Variants in FILIP1L observed in about 807,000 individuals in gnomAD.
FILIP1L encodes the protein filamin A interacting protein 1 like.
Under a neutral mutation model 96.6 loss-of-function variants are expected in FILIP1L, and 55 were observed. The observed-to-expected ratio is 0.57, with a 90% CI of 0.46 to 0.71. The LOEUF (loss-of-function observed/expected upper bound fraction) is 0.71. FILIP1L is among the 30% of genes least tolerant of loss of function. FILIP1L has a pLI of 0.00. For missense variants in FILIP1L, 1,304 were observed against 1,321.2 expected, an observed-to-expected ratio of 0.99 and a Z score of 0.20; for synonymous variants, 467 against 473.9, an observed-to-expected ratio of 0.99 and a Z score of 0.19.
chr3:99,974,880 TTG>T (rs1708924653), intron 1 of FILIP1L, among the ~76,000 whole-genome samples: 1 of 152,246 alleles, frequency 6.6e-6, no homozygotes, highest in Non-Finnish European at 1.5e-5. Flanking sequence ...GCATGGGCTC[TTG>T]TGTTTGCCAT....
rs145174917 is a variant in FILIP1L at position 99,926,797 on chromosome 3, G to A, written c.427-2389C>T. ...TAGAAGGTTTATTTAATCCACTCTT[G>A]CTTTCCATTGTTTTTTTCCCTTTAT... is the stretch of plus-strand genomic sequence containing the variant. On this transcript the variant is annotated intron_variant, in intron 3 of 5. Coordinates refer to ENST00000477258, the MANE Select transcript of FILIP1L (RefSeq NM_001387850.1). Among the ~76,000 whole-genome samples, 40 of 152,248 alleles carry A rather than the reference G, an allele frequency of 2.6e-4. No individual in the cohort carries two copies. The East Asian group carries it at 7.7e-3, about 29-fold the overall frequency.
At chr3:99,958,212 T>C (rs1708391703) in intron 1 of FILIP1L, among the ~76,000 whole-genome samples, 1 of 129,880 alleles carries the variant, frequency 7.7e-6, no homozygotes, top group African/African-American at 2.8e-5. Context: ...GCATTATTAT[T>C]ATTATTATTA....
At chr3:100,008,351 A>AG (rs2107186026) in intron 1 of FILIP1L, among the ~76,000 whole-genome samples, 1 of 152,334 alleles carries the variant, frequency 6.6e-6, no homozygotes, top group Non-Finnish European at 1.5e-5. Flanking sequence ...TGCAAGGCAA[A>AG]GAAAAAAAGC....
intron 1 of FILIP1L, among the ~76,000 whole-genome samples, chr3:100,024,536 T>C (rs1284600310): frequency 1.3e-5 from 2 of 152,196 alleles, no homozygotes; most frequent in Non-Finnish European, 2.9e-5. Context: ...AGGAAGCAAC[T>C]GTTTTCTTTC....
At chr3:99,970,241 A>G (rs1224531519) in intron 1 of FILIP1L, among the ~76,000 whole-genome samples, 1 of 152,224 alleles carries the variant, frequency 6.6e-6, no homozygotes, top group Admixed American at 6.5e-5. Context: ...AAGTCATCTG[A>G]TAAGTTTTGG....
intron 3 of FILIP1L, among the ~76,000 whole-genome samples, chr3:99,926,142 T>G (rs1325685582): frequency 6.6e-6 from 1 of 152,204 alleles, no homozygotes; most frequent in Admixed American, 6.5e-5. Flanking sequence ...CTAAAAAGCA[T>G]GTACTTGACT....
intron 1 of FILIP1L, among the ~76,000 whole-genome samples, chr3:99,981,908 T>C (rs889267029): frequency 1.1e-4 from 16 of 152,192 alleles, no homozygotes; most frequent in African/African-American, 3.9e-4. Context: ...GGAGGATCGC[T>C]TGAGGCCAGG....
At chr3:100,102,252 T>A (rs2066322028) in intron 1 of FILIP1L, among the ~76,000 whole-genome samples, 2 of 152,186 alleles carry the variant, frequency 1.3e-5, no homozygotes, top group Non-Finnish European at 2.9e-5. Flanking sequence ...GTAAAAGTGT[T>A]CCTATTTCTC....
rs1278770856 is a variant in FILIP1L at position 99,907,441 on chromosome 3, G to A, written c.605+16789C>T. 2.0e-5 allele frequency among the ~76,000 whole-genome samples: 3 copies of A among 151,950 alleles called. No homozygotes were observed. The South Asian group carries it at 6.2e-4, about 32-fold the overall frequency. On this transcript the variant is annotated intron_variant, in intron 4 of 5. Transcript: ENST00000477258. ...TTTTTGTATTTTTAGTAGAGACAGG[G>A]TTTCACCATGTTAGCCAGGATGGTC... is the stretch of plus-strand genomic sequence containing the variant.
chr3:100,041,821 T>A (rs1271532391), intron 1 of FILIP1L, among the ~76,000 whole-genome samples: 1 of 152,146 alleles, frequency 6.6e-6, no homozygotes, highest in Non-Finnish European at 1.5e-5. Context: ...TGTGCCTTGA[T>A]TTATCTCACC....
chr3:99,891,776 G>T (rs921041334), intron 4 of FILIP1L, among the ~76,000 whole-genome samples: 3 of 152,114 alleles, frequency 2.0e-5, no homozygotes, highest in Non-Finnish European at 4.4e-5. Flanking sequence ...TCCATTCATT[G>T]CTCAGCTTAC....
intron 1 of FILIP1L, among the ~76,000 whole-genome samples, chr3:100,034,362 T>C (rs925398310): frequency 1.3e-5 from 2 of 152,200 alleles, no homozygotes; most frequent in Non-Finnish European, 2.9e-5. Flanking sequence ...TTATTTACAA[T>C]GTGCAGGCTG....
At chr3:99,927,057 T>G (rs1052105720) in intron 3 of FILIP1L, among the ~76,000 whole-genome samples, 12 of 152,078 alleles carry the variant, frequency 7.9e-5, no homozygotes, top group African/African-American at 2.9e-4. Context: ...ACTCCATATC[T>G]TCCCACCGAT....
At chr3:100,027,921 G>A (rs2064956503) in intron 1 of FILIP1L, among the ~76,000 whole-genome samples, 1 of 152,148 alleles carries the variant, frequency 6.6e-6, no homozygotes, top group Non-Finnish European at 1.5e-5. Context: ...ATGTTGGAGA[G>A]TAGACAGGGC....
At chr3:99,945,904 G>A (rs2107682070) in intron 1 of FILIP1L, among the ~76,000 whole-genome samples, 1 of 152,364 alleles carries the variant, frequency 6.6e-6, no homozygotes, top group Non-Finnish European at 1.5e-5. Flanking sequence ...CTTGGGCTTA[G>A]AAGTGCCACA....
chr3:99,926,828 C>T (rs915010659), intron 3 of FILIP1L, among the ~76,000 whole-genome samples: 2 of 152,064 alleles, frequency 1.3e-5, no homozygotes, highest in African/African-American at 2.4e-5. Context: ...TTTATATGTT[C>T]GTGGTTGTTT....
At chr3:99,905,620 A>G (rs944794145) in intron 4 of FILIP1L, among the ~76,000 whole-genome samples, 1 of 152,246 alleles carries the variant, frequency 6.6e-6, no homozygotes, top group African/African-American at 2.4e-5. Flanking sequence ...ATATGTGTGT[A>G]CTATATAGTC....
At chr3:100,036,079 A>G (rs1467250414) in intron 1 of FILIP1L, among the ~76,000 whole-genome samples, 2 of 152,220 alleles carry the variant, frequency 1.3e-5, no homozygotes, top group Non-Finnish European at 2.9e-5. Context: ...CCATCTCTAT[A>G]CATTGCATAA....
intron 1 of FILIP1L, among the ~76,000 whole-genome samples, chr3:100,050,253 C>A (rs1464818410): frequency 6.6e-6 from 1 of 152,054 alleles, no homozygotes; most frequent in Non-Finnish European, 1.5e-5. Flanking sequence ...GCTGTATTAA[C>A]CTCCCTTATA....
Sources: gnomAD v4.1 joint callset for allele counts (sites outside exome capture counted in the v4.1 genomes callset) on GRCh38, gnomAD v4.1.1 for gene constraint, MANE v1.5 for transcripts, NCBI Gene and HGNC (gene_info 2026-07-23, HGNC 2026-07-21) for gene names.